PRKG1: variants seen among roughly 807,000 people sequenced by gnomAD.
PRKG1 encodes cGMP-dependent protein kinase 1.
In PRKG1, 35 loss-of-function variants were observed where a neutral mutation model predicts 88.1. That is an observed-to-expected ratio of 0.40 (90% CI 0.30 to 0.53). The LOEUF is 0.53. Among genes scored for constraint, PRKG1 ranks in the 20% least tolerant of loss-of-function variants. The probability of loss-of-function intolerance (pLI) is 0.59; values close to 1 mark genes in which losing one functional copy is unlikely to be tolerated. For missense variants in PRKG1, 540 were observed against 839.8 expected (o/e 0.64, Z 4.41); for synonymous variants, 303 against 292.5 (o/e 1.04, Z -0.37).
intron 4 of PRKG1, among the ~76,000 whole-genome samples, chr10:51,851,377 T>TATAG (rs1401642612): frequency 6.6e-6 from 1 of 152,106 alleles, no homozygotes; most frequent in East Asian, 1.9e-4. Flanking sequence ...TTCTAGTGGA[T>TATAG]ATAGACTCAT....
intron 3 of PRKG1, among the ~76,000 whole-genome samples, chr10:51,613,981 T>C (rs1215666746): frequency 6.6e-6 from 1 of 152,014 alleles, no homozygotes; most frequent in Non-Finnish European, 1.5e-5. Flanking sequence ...TTGGATAAAA[T>C]GTTCTGTAGT....
chr10:51,376,174 T>C (rs997273236), intron 2 of PRKG1, among the ~76,000 whole-genome samples: 1 of 152,228 alleles, frequency 6.6e-6, no homozygotes, highest in Admixed American at 6.5e-5. Context: ...ACTACAACAA[T>C]GGACCAATAA....
chr10:51,942,918 A>G (rs1842942045), intron 5 of PRKG1, among the ~76,000 whole-genome samples: 1 of 151,228 alleles, frequency 6.6e-6, no homozygotes, highest in African/African-American at 2.5e-5. Flanking sequence ...TTGGCTTAGG[A>G]TTGACTTGGC....
At chr10:51,579,547 G>A (rs1837977185) in intron 3 of PRKG1, among the ~76,000 whole-genome samples, 1 of 151,992 alleles carries the variant, frequency 6.6e-6, no homozygotes, top group Admixed American at 6.6e-5. Flanking sequence ...TTAACAAAAT[G>A]TTATATCTTA....
chr10:51,886,696 G>C (rs915827691), intron 4 of PRKG1, among the ~76,000 whole-genome samples: 3 of 152,144 alleles, frequency 2.0e-5, no homozygotes, highest in Admixed American at 6.5e-5. Context: ...GTTTAACCAT[G>C]CTGTAACAAA....
At chr10:51,766,848 A>G (rs1370433505) in intron 3 of PRKG1, among the ~76,000 whole-genome samples, 1 of 152,092 alleles carries the variant, frequency 6.6e-6, no homozygotes, top group African/African-American at 2.4e-5. Flanking sequence ...ATAGCACCAC[A>G]TAGTTTTTTA....
intron 1 of PRKG1, among the ~76,000 whole-genome samples, chr10:51,016,674 T>TTTTTTTTTTTTTTTTTTTTTTC: frequency 1.5e-5 from 1 of 67,260 alleles, no homozygotes; most frequent in Non-Finnish European, 2.8e-5. Context: ...TTATCCTTTC[T>TTTTTTTTTTTTTTTTTTTTTTC]TTTTTTTTTT....
At chr10:51,936,829 T>C (rs977706750) in intron 5 of PRKG1, among the ~76,000 whole-genome samples, 4 of 152,050 alleles carry the variant, frequency 2.6e-5, no homozygotes, top group Admixed American at 1.3e-4. Flanking sequence ...ATGTGAAATA[T>C]GCATTCCTGG....
intron 3 of PRKG1, among the ~76,000 whole-genome samples, chr10:51,710,965 G>A (rs1051765021): frequency 2.6e-5 from 4 of 152,196 alleles, no homozygotes; most frequent in Non-Finnish European, 4.4e-5. Context: ...CGAAGGTGCT[G>A]TGATTACAGG....
intron 5 of PRKG1, among the ~76,000 whole-genome samples, chr10:51,966,689 C>T (rs915487653): frequency 6.6e-6 from 1 of 152,144 alleles, no homozygotes; most frequent in Admixed American, 6.6e-5. Context: ...TTCTATAGGG[C>T]TCTCTTCACC....
intron 3 of PRKG1, among the ~76,000 whole-genome samples, chr10:51,578,818 ATT>A (rs1159706973): frequency 6.6e-6 from 1 of 151,864 alleles, no homozygotes; most frequent in Non-Finnish European, 1.5e-5. Flanking sequence ...TCTACTTTTT[ATT>A]TGAGAATCTT....
chr10:51,054,555 G>A (rs1048143201), intron 1 of PRKG1, among the ~76,000 whole-genome samples: 2 of 152,072 alleles, frequency 1.3e-5, no homozygotes, highest in African/African-American at 4.8e-5. Flanking sequence ...CCACATTATA[G>A]TAATTGTTAT....
chr10:50,992,559 G>A (rs920963609), intron 1 of PRKG1, among the ~76,000 whole-genome samples: 1 of 152,150 alleles, frequency 6.6e-6, no homozygotes, highest in Non-Finnish European at 1.5e-5. Context: ...AGGGTAGGCT[G>A]TTTCTCCGGA....
At chr10:52,289,064 G>T (rs890642723) in intron 16 of PRKG1, 71 bp downstream of exon 16, 1 of 1,414,162 alleles carries the variant, frequency 7.1e-7, no homozygotes, top group South Asian at 1.3e-5. Flanking sequence ...TTAAGTTATT[G>T]GTGTAAAACT....
At chr10:51,176,522 T>G (rs1465205268) in intron 2 of PRKG1, among the ~76,000 whole-genome samples, 1 of 151,994 alleles carries the variant, frequency 6.6e-6, no homozygotes, top group East Asian at 1.9e-4. Flanking sequence ...GTGGAGCTGG[T>G]GTGATGATTA....
At chr10:51,517,912 T>C (rs369103965) in intron 3 of PRKG1, among the ~76,000 whole-genome samples, 14 of 152,210 alleles carry the variant, frequency 9.2e-5, no homozygotes, top group African/African-American at 3.4e-4. Context: ...TATTTCTGTT[T>C]CACCTTTATT....
At chr10:52,195,222 T>C (rs1589691291) in intron 9 of PRKG1, among the ~76,000 whole-genome samples, 1 of 53,680 alleles carries the variant, frequency 1.9e-5, no homozygotes, top group Non-Finnish European at 3.4e-5. Context: ...CTTTTCATGT[T>C]TCCTGTTTTT....
chr10:51,393,797 A>G (rs1837504363), intron 2 of PRKG1, among the ~76,000 whole-genome samples: 1 of 152,216 alleles, frequency 6.6e-6, no homozygotes, highest in Non-Finnish European at 1.5e-5. Context: ...CTTATTGTTG[A>G]AAAATACTAG....
chr10:52,135,371 A>C (rs1419129637), intron 8 of PRKG1, among the ~76,000 whole-genome samples: 1 of 152,146 alleles, frequency 6.6e-6, no homozygotes, highest in Non-Finnish European at 1.5e-5. Flanking sequence ...TTCACTGAGA[A>C]AATTGAATGT....
Sources: allele counts gnomAD v4.1 joint callset (sites outside exome capture counted in the v4.1 genomes callset), GRCh38; gene constraint gnomAD v4.1.1; transcripts MANE v1.5; gene names NCBI Gene and HGNC (gene_info 2026-07-23, HGNC 2026-07-21).